SLC3A2: variants seen among roughly 807,000 people sequenced by gnomAD.
SLC3A2 encodes amino acid transporter heavy chain SLC3A2.
SLC3A2 carries 32 observed loss-of-function variants against 48.5 expected under a neutral mutation model. The ratio of observed to expected loss-of-function variants is 0.66; its 90% CI spans 0.50 to 0.89. The LOEUF (loss-of-function observed/expected upper bound fraction) is 0.89. Among genes scored for constraint, SLC3A2 ranks in the 40% least tolerant of loss-of-function variants. The pLI is 0.00. For synonymous variants in SLC3A2, 277 were observed against 288.8 expected (o/e 0.96, Z 0.41); for missense variants, 587 against 680.7 (o/e 0.86, Z 1.53).
chr11:62,873,052 C>T (rs1458331296), intron 1 of SLC3A2, among the ~76,000 whole-genome samples: 4 of 151,970 alleles, frequency 2.6e-5, no homozygotes, highest in Non-Finnish European at 4.4e-5. Flanking sequence ...GACAGGGTCT[C>T]GCTCTGTGGC....
At chr11:62,870,840 A>T in intron 1 of SLC3A2, 1 of 90,448 alleles carries the variant, frequency 1.1e-5, no homozygotes, top group Non-Finnish European at 1.9e-5. Context: ...GATGATAGGT[A>T]ATAATAATAA....
At chr11:62,867,693 C>T (rs995624850) in intron 1 of SLC3A2, among the ~76,000 whole-genome samples, 2 of 152,032 alleles carry the variant, frequency 1.3e-5, no homozygotes, top group Non-Finnish European at 2.9e-5. Context: ...GTTGCCCAGG[C>T]TGGTCTCAAA....
chr11:62,888,358 C>CT lies in SLC3A2; in HGVS notation c.1258dup (p.Ser420PhefsTer8). The stretch of plus-strand genomic sequence containing the variant: ...CCAGAGTGAAGACCCTGGCTCCCTC[C>CT]TTTCCTTGTTCCGGCGGCTGAGTGA... On this transcript the variant is annotated frameshift_variant, in exon 9 of 9. Coordinates refer to ENST00000338663, the MANE Select transcript of SLC3A2 (RefSeq NM_001013251.3). LOFTEE classifies it low-confidence loss of function (END_TRUNC). The CT allele has an allele frequency of 6.2e-7, 1 of 1,614,154 alleles. No individual in the cohort carries two copies. The highest frequency in any genetic ancestry group is 8.5e-7 in the Non-Finnish European group (1 of 1,180,008).
intron 1 of SLC3A2, among the ~76,000 whole-genome samples, chr11:62,859,877 G>T (rs1275628263): frequency 6.6e-6 from 1 of 152,000 alleles, no homozygotes; most frequent in African/African-American, 2.4e-5. Flanking sequence ...GGTATTTCTC[G>T]TCAGGTGGGA....
At chr11:62,858,800 C>T (rs1370952114) in intron 1 of SLC3A2, among the ~76,000 whole-genome samples, 3 of 152,120 alleles carry the variant, frequency 2.0e-5, no homozygotes, top group Non-Finnish European at 4.4e-5. Context: ...GCATCATAGA[C>T]AAGGTAAAGG....
upstream of SLC3A2, among the ~76,000 whole-genome samples, chr11:62,879,444 C>T (rs1230727795): frequency 6.6e-6 from 1 of 152,122 alleles, no homozygotes; most frequent in Non-Finnish European, 1.5e-5. Flanking sequence ...CCATTCAGAA[C>T]CTCTGGTTGG....
In SLC3A2 at chr11:62,888,814, A is replaced by C; in HGVS notation, c.*121A>C. ...TTGCAGATTATGAGTGAACCCCCAA[A>C]TAGGGTGTTTTCTGCCTTCAAATAA... On this transcript the variant is annotated 3_prime_UTR_variant, in exon 9 of 9. Transcript: ENST00000338663. 5 of 951,128 alleles carry C rather than the reference A, an allele frequency of 5.3e-6. No individual in the cohort carries two copies. The highest frequency in any genetic ancestry group is 1.7e-5 in the South Asian group (1 of 58,232). The allele number at this position is 951,128 out of a possible 1,614,324, so 58.9% of individuals were successfully genotyped here. A position where few individuals can be genotyped will look rare whatever the true frequency, so the allele number is the denominator to read the frequency against.
At chr11:62,878,863 C>T (rs1030649500), upstream of SLC3A2, among the ~76,000 whole-genome samples, 1 of 151,872 alleles carries the variant, frequency 6.6e-6, no homozygotes, top group Non-Finnish European at 1.5e-5. Flanking sequence ...CAACCTCTGC[C>T]TCTCGGGTTC....
At chr11:62,879,492 C>T (rs1302758164), upstream of SLC3A2, among the ~76,000 whole-genome samples, 1 of 152,192 alleles carries the variant, frequency 6.6e-6, no homozygotes, top group African/African-American at 2.4e-5. Flanking sequence ...CCTTGGATCT[C>T]TTATTATCTT....
At chr11:62,884,740 C>G (rs2085685332) in intron 5 of SLC3A2, 50 bp downstream of exon 5, 1 of 1,483,372 alleles carries the variant, frequency 6.7e-7, no homozygotes, top group Non-Finnish European at 9.1e-7. Context: ...GGGAACCCCT[C>G]AGTGGAGTGC....
chr11:62,883,106 G>T (rs2085664610), intron 3 of SLC3A2, 107 bp downstream of exon 3: 6 of 1,000,592 alleles, frequency 6.0e-6, no homozygotes, highest in Non-Finnish European at 9.5e-6. Context: ...GGGTCCCTTT[G>T]CTCCTTAGGA....
At chr11:62,859,819 C>G (rs559117362) in intron 1 of SLC3A2, among the ~76,000 whole-genome samples, 176 of 152,276 alleles carry the variant, frequency 1.2e-3, no homozygotes, top group African/African-American at 4.1e-3. Flanking sequence ...CTGGGTGGAG[C>G]GGCTCACGCC....
intron 1 of SLC3A2, among the ~76,000 whole-genome samples, chr11:62,858,062 CG>C (rs1413577684): frequency 6.6e-6 from 1 of 151,724 alleles, no homozygotes; most frequent in Non-Finnish European, 1.5e-5. Context: ...AAAAAAAAAC[CG>C]GGGAGAGTTT....
rs746756652 is a variant in SLC3A2, at chr11:62,880,919, G to T, written c.-105G>T. On this transcript the variant is annotated 5_prime_UTR_variant, in exon 1 of 9. Coordinates refer to ENST00000338663, the MANE Select transcript of SLC3A2 (RefSeq NM_001013251.3). ...GCAGATGCAGTAGCCGAAACTGCGC[G>T]GAGGCACAGAGGCCGGGGAGAGCGT... The T allele has an allele frequency of 2.1e-6, 3 of 1,461,358 alleles. No homozygotes were observed. The highest frequency in any genetic ancestry group is 1.8e-6 in the Non-Finnish European group (2 of 1,106,712). The allele number at this position is 1,461,358 out of a possible 1,614,324, so 90.5% of individuals were successfully genotyped here.
At chr11:62,856,408 A>AGG in intron 1 of SLC3A2, 16 of 1,582,376 alleles carry the variant, frequency 1.0e-5, no homozygotes, top group Non-Finnish European at 1.4e-5. Flanking sequence ...TAAGCTCGGG[A>AGG]GGAGGTCCCC....
chr11:62,874,429 A>G (rs1427168562), intron 1 of SLC3A2, among the ~76,000 whole-genome samples: 1 of 151,976 alleles, frequency 6.6e-6, no homozygotes, highest in South Asian at 2.1e-4. Context: ...AATGTTTTTC[A>G]TTTGTCTAAC....
At chr11:62,885,720 C>A in intron 7 of SLC3A2, 112 bp downstream of exon 7, 1 of 1,208,930 alleles carries the variant, frequency 8.3e-7, no homozygotes, top group Non-Finnish European at 1.2e-6. Context: ...GCGTTTGATT[C>A]TTAGTCAGTA....
intron 1 of SLC3A2, among the ~76,000 whole-genome samples, chr11:62,868,510 C>T (rs1421610100): frequency 6.7e-6 from 1 of 149,850 alleles, no homozygotes; most frequent in Admixed American, 6.7e-5. Flanking sequence ...GGACTACAGG[C>T]GCCCGCCACC....
Position 62,884,500 on chromosome 11 carries a change from A to AGGTTCG in SLC3A2, c.737_742dup (p.Val246_Arg247dup). On this transcript the variant is annotated inframe_insertion, in exon 4 of 9. Coordinates refer to ENST00000338663, the MANE Select transcript of SLC3A2 (RefSeq NM_001013251.3). ...CTGCAAGCTGGCGTGGATGGGTTCC[A>AGGTTCG]GGTTCGGGACATAGAGAATCTGAAG... is the stretch of plus-strand genomic sequence containing the variant. The AGGTTCG allele has an allele frequency of 6.2e-7, 1 of 1,614,218 alleles. No homozygotes were observed. Among genetic ancestry groups the AGGTTCG allele is most frequent in the South Asian group, 1.1e-5 (1 of 91,092 alleles).
Sources: allele counts gnomAD v4.1 joint callset (sites outside exome capture counted in the v4.1 genomes callset), GRCh38; gene constraint gnomAD v4.1.1; transcripts MANE v1.5; gene names NCBI Gene and HGNC (gene_info 2026-07-23, HGNC 2026-07-21).